Variants in PREB observed in about 807,000 individuals in gnomAD.
PREB encodes the protein prolactin regulatory element binding.
In PREB, 29 loss-of-function variants were observed where a neutral mutation model predicts 46.7. The observed-to-expected ratio is 0.62, with a 90% CI of 0.46 to 0.85. The LOEUF is 0.85. Among genes scored for constraint, PREB ranks in the 40% least tolerant of loss-of-function variants. PREB has a pLI of 0.00. For synonymous variants in PREB, 224 were observed against 220.1 expected, an observed-to-expected ratio of 1.02 and a Z score of -0.16; for missense variants, 494 against 528.4, an observed-to-expected ratio of 0.93 and a Z score of 0.64.
rs546528177 is a variant in PREB at position 27,134,605 on chromosome 2, C to A, written c.-184G>T. ...AGCAGGAAGCCGAGCCTCAGCTCGG[C>A]TCCGTCCAAGTCGGTCTCGCAGACG... is the stretch of plus-strand genomic sequence containing the variant. On this transcript the variant is annotated 5_prime_UTR_variant, in exon 1 of 9. Coordinates refer to ENST00000260643, the MANE Select transcript of PREB (RefSeq NM_013388.6). 9.0e-5 allele frequency: 120 copies of A among 1,335,710 alleles called. No individual in the cohort carries two copies. The East Asian group carries it at 3.1e-3, about 35-fold the overall frequency. The allele number at this position is 1,335,710 out of a possible 1,614,324, so 82.7% of individuals were successfully genotyped here. A position where few individuals can be genotyped will look rare whatever the true frequency, so the allele number is the denominator to read the frequency against.
At chr2:27,131,602 G>A (rs115345652) in intron 8 of PREB, 70 bp downstream of exon 8, 32 of 1,597,212 alleles carry the variant, frequency 2.0e-5, no homozygotes, top group Non-Finnish European at 2.7e-5. Flanking sequence ...AAAGAGCCCA[G>A]CCTCCGGGGG....
chr2:27,132,311 A>T lies in PREB; in HGVS notation c.845T>A (p.Leu282His). Residue 282 changes from leucine (L) to histidine (H), a missense_variant, in exon 6 of 9, where the codon CTC becomes CAC. Physicochemically the swap from Leu to His is moderately conservative, Grantham distance 99 (BLOSUM62 -3). Coordinates refer to ENST00000260643, the MANE Select transcript of PREB (RefSeq NM_013388.6). The surrounding 1 kb of genome is among the most constrained non-coding windows in gnomAD (Gnocchi z 4.0). ...KRLRQPPPCYLTAWDGSNFLP... is the reference protein window; with the variant it reads ...KRLRQPPPCYHTAWDGSNFLP... ...GAAGTTGGAGCCATCCCAGGCTGTG[A>T]GGTAGCAGGGAGGGGGCTGGCGCAG... is the stretch of plus-strand genomic sequence containing the variant. The T allele has an allele frequency of 6.2e-7, 1 of 1,614,124 alleles. No individual in the cohort carries two copies. The highest frequency in any genetic ancestry group is 2.2e-5 in the East Asian group (1 of 44,882).
At position 27,132,137 on chromosome 2, in the gene PREB, T is replaced by C. The variant is rs1672304265; in HGVS notation, c.927-55A>G. 10 of 1,608,106 alleles carry C rather than the reference T, an allele frequency of 6.2e-6. No individual in the cohort carries two copies. Among genetic ancestry groups the C allele is most frequent in the Admixed American group, 1.7e-5 (1 of 59,990 alleles). ...CTGGAGGCTTGTGCAGCAACCCTCA[T>C]ACCCCAATACCGGTCCGTAGGGACC... On this transcript the variant is annotated intron_variant, in intron 6 of 8. Transcript: ENST00000260643. The surrounding 1 kb of genome is among the most constrained non-coding windows in gnomAD (Gnocchi z 4.0).
rs1672345029 is a variant in PREB at position 27,132,934 on chromosome 2, A to C, written c.547-11T>G. ...CTCCAGGCTGGGCACCTGTAGCCAAACAACCACCATGGTTAACTCAGGTGT... is the reference window on the plus strand; with the variant it reads ...CTCCAGGCTGGGCACCTGTAGCCAACCAACCACCATGGTTAACTCAGGTGT... On this transcript the variant is annotated splice_polypyrimidine_tract_variant and intron_variant, in intron 3 of 8. Coordinates refer to ENST00000260643, the MANE Select transcript of PREB (RefSeq NM_013388.6). This position sits in a 1 kb window ranked among gnomAD's most constrained non-coding sequence, Gnocchi z 4.0. 1 of 1,613,962 alleles carries C rather than the reference A, an allele frequency of 6.2e-7. No homozygotes were observed.
rs770014269 is a variant in PREB, at chr2:27,133,149, C to T, written c.514G>A (p.Gly172Arg). ...ACACGGACGTAGCCATCTGTTCCTC[C>T]AGTGGCAAGCAGGGTATTATCGTGG... Reference protein sequence around the residue: ...FNHDNTLLATGGTDGYVRVWK... With the variant: ...FNHDNTLLATRGTDGYVRVWK... Residue 172 changes from glycine to arginine, a missense_variant, in exon 3 of 9, where the codon GGA becomes AGA. Transcript: ENST00000260643. 2 of 1,614,082 alleles carry T rather than the reference C, an allele frequency of 1.2e-6. No homozygotes were observed. Among genetic ancestry groups the T allele is most frequent in the East Asian group, 2.2e-5 (1 of 44,898 alleles).
intron 1 of PREB, 191 bp from the exon 2 acceptor site, chr2:27,133,912 CAGAACAGGGTGA>C: frequency 1.6e-6 from 1 of 640,010 alleles, no homozygotes; most frequent in South Asian, 2.0e-5. Flanking sequence ...CTCTATTTTA[CAGAACAGGGTGA>C]AGCTCAGGAG....
In PREB at chr2:27,133,179, A is replaced by C; in HGVS notation, c.484T>G (p.Phe162Val). 2 of 1,614,214 alleles carry C rather than the reference A, an allele frequency of 1.2e-6. No homozygotes were observed. Among genetic ancestry groups the C allele is most frequent in the Non-Finnish European group, 1.7e-6 (2 of 1,180,036 alleles). ...SSDPLQKVVC[F>V]NHDNTLLATG... The stretch of plus-strand genomic sequence containing the variant: ...GCAAGCAGGGTATTATCGTGGTTGA[A>C]GCACACAACTTTCTGCAGTGGATCG... Residue 162 changes from phenylalanine to valine, a missense_variant, in exon 3 of 9, where the codon TTC becomes GTC. Coordinates refer to ENST00000260643, the MANE Select transcript of PREB (RefSeq NM_013388.6).
chr2:27,134,330 G>A lies in PREB; in HGVS notation c.92C>T (p.Ala31Val). 1.2e-6 allele frequency: 2 copies of A among 1,611,504 alleles called. No individual in the cohort carries two copies. The highest frequency in any genetic ancestry group is 1.7e-6 in the Non-Finnish European group (2 of 1,179,434). Residue 31 changes from alanine (A) to valine (V), a missense_variant, in exon 1 of 9, where the codon GCG becomes GTG. Coordinates refer to ENST00000260643, the MANE Select transcript of PREB (RefSeq NM_013388.6). The stretch of plus-strand genomic sequence containing the variant: ...TGTCTTGGCGGCGCCTCCTCCGCCC[G>A]CAGCGATGAGCAGCCCAGTGCTGGG... ...VDPSTGLLIA[A>V]GGGGAAKTGI... is the part of the protein sequence containing the mutation.
chr2:27,132,392 A>T lies in PREB; in HGVS notation c.764T>A (p.Val255Asp). 6.2e-7 allele frequency: 1 copy of T among 1,610,814 alleles called. No individual in the cohort carries two copies. Among genetic ancestry groups the T allele is most frequent in the Admixed American group, 1.7e-5 (1 of 59,970 alleles). ...YRYQACRFGQVPDQPAGLRLF... is the reference protein window; with the variant it reads ...YRYQACRFGQDPDQPAGLRLF... ...TCGCAGGCCAGCAGGCTGGTCTGGA[A>T]CCTGCCCAAACCTGGGGGCCGGATG... Residue 255 changes from valine (V) to aspartate (D), a missense_variant, in exon 6 of 9, where the codon GTT becomes GAT. Transcript: ENST00000260643. This position sits in a 1 kb window ranked among gnomAD's most constrained non-coding sequence, Gnocchi z 4.0.
At position 27,133,556 on chromosome 2, in the gene PREB, G is replaced by A; in HGVS notation, c.301C>T (p.Gln101Ter). 1.2e-6 allele frequency: 2 copies of A among 1,613,962 alleles called. No individual in the cohort carries two copies. The highest frequency in any genetic ancestry group is 1.7e-6 in the Non-Finnish European group (2 of 1,179,898). The change falls in exon 2 of 9, where the codon CAG (glutamine) becomes TAG (stop). Residue 101 changes from glutamine to a stop codon, truncating the protein, a stop_gained. Coordinates refer to ENST00000260643, the MANE Select transcript of PREB (RefSeq NM_013388.6). LOFTEE classifies it high-confidence loss of function. ...CCGGCCTTCTCTGCCTTGTTGCCCT[G>A]CTGTTGATGTGCCTGGAAGCGCAGG... ...QLLRFQAHQQQGNKAEKAGSK... is the reference protein window; with the variant it reads ...QLLRFQAHQQ
chr2:27,133,427 G>C, intron 2 of PREB, 90 bp from the exon 3 acceptor site: 3 of 1,594,614 alleles, frequency 1.9e-6, no homozygotes, highest in East Asian at 4.5e-5. Flanking sequence ...ACAACTTCTA[G>C]CTTGCTACCA....
intron 1 of PREB, chr2:27,134,085 T>G (rs1672397572): frequency 1.3e-6 from 1 of 743,390 alleles, no homozygotes; most frequent in Non-Finnish European, 2.1e-6. Context: ...TGTGTGCAGT[T>G]TTCACTTTAC....
chr2:27,132,516 C>G lies in PREB; in HGVS notation c.752+87G>C, dbSNP rs948021584. The G allele has an allele frequency of 1.3e-6, 2 of 1,597,836 alleles. No individual in the cohort carries two copies. Among genetic ancestry groups the G allele is most frequent in the African/African-American group, 2.7e-5 (2 of 74,496 alleles). ...CTGGGGTAACACTCAACAAGTTCCT[C>G]CCCAGCTCTCCCATCCCCAGTCTTT... On this transcript the variant is annotated intron_variant, in intron 5 of 8. Transcript: ENST00000260643. This position sits in a 1 kb window ranked among gnomAD's most constrained non-coding sequence, Gnocchi z 4.0.
Position 27,134,544 on chromosome 2 carries a change from C to G in PREB, c.-123G>C, listed in dbSNP as rs1175508116. On this transcript the variant is annotated 5_prime_UTR_variant, in exon 1 of 9. Transcript: ENST00000260643. ...TCGCCGCCGGGAGCACTCCCTACCCCTCTCACACCGGGGAGTTGCCAAAAC... is the reference window on the plus strand; with the variant it reads ...TCGCCGCCGGGAGCACTCCCTACCCGTCTCACACCGGGGAGTTGCCAAAAC... The G allele has an allele frequency of 7.3e-7, 1 of 1,369,058 alleles. No homozygotes were observed. Among genetic ancestry groups the G allele is most frequent in the African/African-American group, 1.5e-5 (1 of 64,900 alleles). 84.8% of individuals were successfully genotyped at this position (1,369,058 alleles called of 1,614,324 possible).
intron 1 of PREB, 62 bp from the exon 2 acceptor site, chr2:27,133,783 G>T: frequency 6.6e-7 from 1 of 1,517,620 alleles, no homozygotes; most frequent in Non-Finnish European, 9.0e-7. Flanking sequence ...GTTTAGGGAA[G>T]AGTCTGATGT....
Position 27,132,439 on chromosome 2 carries a change from G to A in PREB, c.753-36C>T. The A allele has an allele frequency of 6.3e-7, 1 of 1,599,784 alleles. No individual in the cohort carries two copies. On this transcript the variant is annotated intron_variant, in intron 5 of 8. Transcript: ENST00000260643. This position sits in a 1 kb window ranked among gnomAD's most constrained non-coding sequence, Gnocchi z 4.0. ...GATGAGGGGCTATTCAGCTCCTAGGGCCTGCCCAACCCTCCTCAGAGGTTT... is the reference window on the plus strand; with the variant it reads ...GATGAGGGGCTATTCAGCTCCTAGGACCTGCCCAACCCTCCTCAGAGGTTT...
chr2:27,131,763 A>G lies in PREB; in HGVS notation c.1068T>C (p.Gly356=). The G allele has an allele frequency of 1.9e-6, 3 of 1,613,986 alleles. No homozygotes were observed. Among genetic ancestry groups the G allele is most frequent in the Non-Finnish European group, 2.5e-6 (3 of 1,179,940 alleles). ...GGGACCCAAGGAGCTCTGGACCACG[A>G]CCCTTCTCAGGTAGAAAGGCCACAT... ...VTDVAFLPEK[G]RGPELLGSHE... is the part of the protein sequence containing the mutation. The change falls in exon 8 of 9, where the codon GGT becomes GGC. Residue 356 remains glycine, a synonymous_variant. Transcript: ENST00000260643.
chr2:27,132,677 C>G lies in PREB; in HGVS notation c.678G>C (p.Gln226His). The G allele has an allele frequency of 1.2e-6, 2 of 1,614,172 alleles. No individual in the cohort carries two copies. The highest frequency in any genetic ancestry group is 1.7e-6 in the Non-Finnish European group (2 of 1,180,004). Residue 226 changes from glutamine to histidine, a missense_variant, in exon 5 of 9, where the codon CAG becomes CAC. By Grantham distance (24) the Gln-to-His change is conservative. Transcript: ENST00000260643. This position sits in a 1 kb window ranked among gnomAD's most constrained non-coding sequence, Gnocchi z 4.0. ...CTTGCCAGTGCAGCTGTGTCACCAG[C>G]TGATCCTTCTGCCACACAGAGGCCT... ...DLKASVWQKD[Q>H]LVTQLHWQEN...
rs753062612 is a variant in PREB at position 27,132,668 on chromosome 2, T to G, written c.687A>C (p.Thr229=). ...GTCCATTTTCTTGCCAGTGCAGCTG[T>G]GTCACCAGCTGATCCTTCTGCCACA... ...ASVWQKDQLV[T]QLHWQENGPT... Residue 229 remains threonine (T), a synonymous_variant, in exon 5 of 9, where the codon ACA becomes ACC. Transcript: ENST00000260643. This position sits in a 1 kb window ranked among gnomAD's most constrained non-coding sequence, Gnocchi z 4.0. 1.9e-6 allele frequency: 3 copies of G among 1,613,972 alleles called. No individual in the cohort carries two copies. In the African/African-American group the frequency reaches 4.0e-5, roughly 22 times the overall value.
Sources: allele counts gnomAD v4.1 joint callset, GRCh38; gene constraint gnomAD v4.1.1; non-coding constraint Gnocchi (gnomAD v3.1); transcripts MANE v1.5; gene names NCBI Gene and HGNC (gene_info 2026-07-23, HGNC 2026-07-21).